The following ORC2 variants were observed in gnomAD, a reference collection of about 807,000 sequenced individuals.
ORC2 encodes origin recognition complex protein 2 homolog.
A neutral mutation model predicts 77.7 loss-of-function variants in ORC2; 37 were observed. The observed-to-expected ratio is 0.48, with a 90% CI of 0.37 to 0.63. ORC2 has a LOEUF of 0.63. Among genes scored for constraint, ORC2 ranks in the 20% least tolerant of loss-of-function variants. ORC2 has a pLI of 0.00. For missense variants in ORC2, 557 were observed against 661.9 expected (o/e 0.84, Z 1.74); for synonymous variants, 201 against 229.5 (o/e 0.88, Z 1.12).
intron 5 of ORC2, among the ~76,000 whole-genome samples, chr2:200,948,797 C>A (rs1477540229): frequency 1.3e-5 from 2 of 152,018 alleles, no homozygotes; most frequent in African/African-American, 4.8e-5. Context: ...CTCTTGACCT[C>A]AAGGGATCTG....
At chr2:200,925,085 T>G in intron 13 of ORC2, among the ~76,000 whole-genome samples, 1 of 152,276 alleles carries the variant, frequency 6.6e-6, no homozygotes, top group African/African-American at 2.4e-5. Context: ...ATAAAAACAT[T>G]AAACAATATA....
chr2:200,926,007 T>G, intron 12 of ORC2, 75 bp from the exon 13 acceptor site: 1 of 598,574 alleles, frequency 1.7e-6, no homozygotes, highest in Non-Finnish European at 2.9e-6. Context: ...ATCAAACCTT[T>G]TTTTATAAAT....
chr2:200,935,963 A>T (rs16835997), intron 8 of ORC2, 71 bp from the exon 9 acceptor site: 19,450 of 1,291,548 alleles, frequency 0.015, 186 homozygotes, highest in Non-Finnish European at 0.017. Flanking sequence ...GGTAAAGCAA[A>T]GAGTGGGGGC....
intron 11 of ORC2, among the ~76,000 whole-genome samples, chr2:200,929,991 G>T: frequency 6.6e-6 from 1 of 152,004 alleles, no homozygotes; most frequent in Non-Finnish European, 1.5e-5. Context: ...CAGATATCCA[G>T]GTCTGCTACT....
At chr2:200,938,901 T>A (rs2041098065) in intron 7 of ORC2, among the ~76,000 whole-genome samples, 1 of 152,018 alleles carries the variant, frequency 6.6e-6, no homozygotes, top group South Asian at 2.1e-4. Flanking sequence ...TAGCCGGGCG[T>A]GCTGGTGCAT....
chr2:200,953,679 A>G (rs1421862775), intron 4 of ORC2, among the ~76,000 whole-genome samples: 1 of 152,226 alleles, frequency 6.6e-6, no homozygotes, highest in Non-Finnish European at 1.5e-5. Flanking sequence ...AAAAGGTTGA[A>G]GCAACCCAAG....
At position 200,948,560 on chromosome 2, in the gene ORC2, T is replaced by A. The variant is rs550485737; in HGVS notation, c.328+994A>T. On this transcript the variant is annotated intron_variant, in intron 5 of 17. Coordinates refer to ENST00000234296, the MANE Select transcript of ORC2 (RefSeq NM_006190.5). ...CCATATACAGGGTAAAACTCTGGGTTTTTTTGTTTGTTTGTTTTTTGAGAT... is the reference window on the plus strand; with the variant it reads ...CCATATACAGGGTAAAACTCTGGGTATTTTTGTTTGTTTGTTTTTTGAGAT... Among the ~76,000 whole-genome samples the A allele has an allele frequency of 1.6e-4, 25 of 152,080 alleles. No homozygotes were observed. The East Asian group carries it at 4.5e-3, about 27-fold the overall frequency.
chr2:200,957,191 T>C (rs1217680120), intron 4 of ORC2, among the ~76,000 whole-genome samples: 1 of 152,164 alleles, frequency 6.6e-6, no homozygotes, highest in African/African-American at 2.4e-5. Context: ...TTTAGAGTGG[T>C]TGGTCTATAG....
At chr2:200,928,077 C>T (rs966329088) in intron 11 of ORC2, among the ~76,000 whole-genome samples, 23 of 151,918 alleles carry the variant, frequency 1.5e-4, no homozygotes, top group African/African-American at 4.8e-4. Context: ...TATTATTGGC[C>T]GGGCATGATG....
intron 9 of ORC2, among the ~76,000 whole-genome samples, chr2:200,935,355 T>G (rs2041020096): frequency 6.6e-6 from 1 of 152,212 alleles, no homozygotes; most frequent in Non-Finnish European, 1.5e-5. Context: ...ACTCCTGACC[T>G]CAGGTGATCC....
At chr2:200,931,229 CTAAA>C (rs1238631447) in intron 11 of ORC2, 106 bp downstream of exon 11, 15 of 470,082 alleles carry the variant, frequency 3.2e-5, no homozygotes, top group Middle Eastern at 5.6e-4. Flanking sequence ...TTATATATGA[CTAAA>C]TATCTGAAAC....
intron 11 of ORC2, among the ~76,000 whole-genome samples, chr2:200,927,692 A>C (rs1425106039): frequency 6.6e-6 from 1 of 151,152 alleles, no homozygotes; most frequent in African/African-American, 2.4e-5. Context: ...AGTGTCTGTA[A>C]AAAAAAATTA....
At position 200,909,168 on chromosome 2, in the gene ORC2, C is replaced by T. The variant is rs1386197933; in HGVS notation, c.*2133G>A. 1 of 152,056 alleles carries T rather than the reference C, an allele frequency of 6.6e-6. No homozygotes were observed. Among genetic ancestry groups the T allele is most frequent in the Non-Finnish European group, 1.5e-5 (1 of 68,006 alleles). 9.4% of individuals were successfully genotyped at this position (152,056 alleles called of 1,614,324 possible). On this transcript the variant is annotated 3_prime_UTR_variant, in exon 18 of 18. Transcript: ENST00000234296. ...GCAAAAAAAGCAAGGTGCAAACCAG[C>T]AAGTATGATATATTACCAATTGTGT...
intron 10 of ORC2, 140 bp downstream of exon 10, chr2:200,933,736 G>A: frequency 1.9e-6 from 1 of 521,464 alleles, no homozygotes. Context: ...AATAAAAGAA[G>A]TAATAATCAC....
chr2:200,929,728 T>C (rs141986003), intron 11 of ORC2, among the ~76,000 whole-genome samples: 160 of 151,636 alleles, frequency 1.1e-3, no homozygotes, highest in African/African-American at 3.3e-3. Flanking sequence ...ACCCAGGAGG[T>C]TGGGGCTCCT....
chr2:200,956,071 T>G (rs1395894436), intron 4 of ORC2, among the ~76,000 whole-genome samples: 1 of 152,200 alleles, frequency 6.6e-6, no homozygotes, highest in Non-Finnish European at 1.5e-5. Context: ...AAATATCTTT[T>G]TTTTGTTCTG....
At chr2:200,913,520 C>G (rs370656830) in intron 16 of ORC2, 107 bp from the exon 17 acceptor site, 3 of 1,405,582 alleles carry the variant, frequency 2.1e-6, no homozygotes, top group African/African-American at 2.9e-5. Context: ...GCATGTTATC[C>G]CAGAGCAGTG....
At chr2:200,958,200 C>T in intron 2 of ORC2, 67 bp from the exon 3 acceptor site, 1 of 877,024 alleles carries the variant, frequency 1.1e-6, no homozygotes, top group South Asian at 1.4e-5. Flanking sequence ...ATTAAACATT[C>T]ACATAATGAA....
intron 15 of ORC2, among the ~76,000 whole-genome samples, chr2:200,919,700 C>T (rs973152418): frequency 5.3e-5 from 8 of 152,198 alleles, no homozygotes; most frequent in Non-Finnish European, 1.0e-4. Context: ...CTATAACCAG[C>T]TTGCATTTAT....
Sources: gnomAD v4.1 joint callset for allele counts (sites outside exome capture counted in the v4.1 genomes callset) on GRCh38, gnomAD v4.1.1 for gene constraint, MANE v1.5 for transcripts, NCBI Gene and HGNC (gene_info 2026-07-23, HGNC 2026-07-21) for gene names.